CWC27: variants seen among roughly 807,000 people sequenced by gnomAD.
CWC27 encodes the protein spliceosome-associated protein CWC27 homolog.
A neutral mutation model predicts 63.6 loss-of-function variants in CWC27; 47 were observed. The ratio of observed to expected loss-of-function variants is 0.74; its 90% confidence interval spans 0.58 to 0.94. The LOEUF (loss-of-function observed/expected upper bound fraction) is 0.94. Among genes scored for constraint, CWC27 ranks in the 40% least tolerant of loss-of-function variants. CWC27 has a pLI of 0.00. For missense variants in CWC27, 495 were observed against 554.3 expected (o/e 0.89, Z 1.07); for synonymous variants, 175 against 179.8 (o/e 0.97, Z 0.22).
chr5:64,792,704 G>C (rs1206506550), intron 7 of CWC27, among the ~76,000 whole-genome samples: 5 of 151,944 alleles, frequency 3.3e-5, no homozygotes, highest in Admixed American at 1.3e-4. Context: ...ATTGTGTAGA[G>C]TCCTGGGCTG....
chr5:64,857,973 T>C (rs994845801), intron 10 of CWC27, among the ~76,000 whole-genome samples: 4 of 143,448 alleles, frequency 2.8e-5, no homozygotes, highest in Admixed American at 7.0e-5. Flanking sequence ...CCGTCTCTAC[T>C]AAAAATACAA....
In CWC27 at chr5:64,788,947, C is replaced by G; in HGVS notation, c.600-4C>G. ...TTTTTTTTTCTTTCTTTTTTTTGGA[C>G]TAGAAATTTTAGTTTACTTTCATTT... is the stretch of plus-strand genomic sequence containing the variant. On this transcript the variant is annotated splice_polypyrimidine_tract_variant and splice_region_variant and intron_variant, in intron 6 of 13. Transcript: ENST00000381070. 6.5e-7 allele frequency: 1 copy of G among 1,534,994 alleles called. No individual in the cohort carries two copies. Among genetic ancestry groups the G allele is most frequent in the Non-Finnish European group, 8.8e-7 (1 of 1,137,806 alleles).
At chr5:64,958,337 C>G (rs570353569) in intron 11 of CWC27, among the ~76,000 whole-genome samples, 1 of 152,050 alleles carries the variant, frequency 6.6e-6, no homozygotes, top group Non-Finnish European at 1.5e-5. Flanking sequence ...ACTGGCTTCT[C>G]GTAAAACCTG....
intron 13 of CWC27, among the ~76,000 whole-genome samples, chr5:64,986,972 T>G (rs1749446435): frequency 6.6e-6 from 1 of 152,204 alleles, no homozygotes; most frequent in Non-Finnish European, 1.5e-5. Context: ...AATTGATGAC[T>G]TTCAAGCTCT....
At chr5:64,778,965 G>A (rs1743556440) in intron 2 of CWC27, among the ~76,000 whole-genome samples, 3 of 152,108 alleles carry the variant, frequency 2.0e-5, no homozygotes, top group South Asian at 4.1e-4. Context: ...TTTAAAATAT[G>A]CATTGTATAT....
chr5:64,864,631 T>C (rs2112315985), intron 10 of CWC27, among the ~76,000 whole-genome samples: 1 of 152,304 alleles, frequency 6.6e-6, no homozygotes, highest in East Asian at 1.9e-4. Context: ...TGTTATTTGT[T>C]ATAAATTTCC....
intron 10 of CWC27, among the ~76,000 whole-genome samples, chr5:64,847,096 T>G (rs913873071): frequency 6.6e-6 from 1 of 151,522 alleles, no homozygotes; most frequent in African/African-American, 2.4e-5. Context: ...AAAAAGACAG[T>G]TACTGAATGG....
intron 11 of CWC27, among the ~76,000 whole-genome samples, chr5:64,902,921 G>T (rs1222566817): frequency 6.6e-6 from 1 of 152,154 alleles, no homozygotes; most frequent in African/African-American, 2.4e-5. Flanking sequence ...TTTCAATGTA[G>T]AGGTCTTGTA....
intron 10 of CWC27, among the ~76,000 whole-genome samples, chr5:64,815,149 C>T (rs1158800950): frequency 2.6e-5 from 4 of 152,112 alleles, no homozygotes; most frequent in Non-Finnish European, 5.9e-5. Flanking sequence ...TACACATAAA[C>T]GTATATCCTG....
intron 11 of CWC27, among the ~76,000 whole-genome samples, chr5:64,966,999 CT>C (rs972070180): frequency 3.3e-5 from 5 of 151,160 alleles, no homozygotes; most frequent in African/African-American, 7.3e-5. Flanking sequence ...CACATATCTT[CT>C]TTTTTTTTAC....
chr5:64,777,429 A>G (rs1743496275), intron 2 of CWC27, among the ~76,000 whole-genome samples: 1 of 152,146 alleles, frequency 6.6e-6, no homozygotes, highest in African/African-American at 2.4e-5. Flanking sequence ...ACATTTACAT[A>G]GTTAAACACA....
At chr5:64,810,208 T>C (rs192056128) in intron 10 of CWC27, among the ~76,000 whole-genome samples, 1 of 152,298 alleles carries the variant, frequency 6.6e-6, no homozygotes, top group East Asian at 1.9e-4. Context: ...TGACTGTAAA[T>C]ACCTGAGTTT....
chr5:64,978,347 T>G (rs1255289948), intron 13 of CWC27, among the ~76,000 whole-genome samples: 2 of 152,184 alleles, frequency 1.3e-5, no homozygotes, highest in African/African-American at 4.8e-5. Context: ...TCAATTAATT[T>G]ATAGTTTTCA....
At chr5:64,862,153 G>A (rs1233373356) in intron 10 of CWC27, among the ~76,000 whole-genome samples, 6 of 150,808 alleles carry the variant, frequency 4.0e-5, no homozygotes, top group Non-Finnish European at 5.9e-5. Flanking sequence ...GCAAACCCAC[G>A]GAATGTACGG....
intron 10 of CWC27, among the ~76,000 whole-genome samples, chr5:64,876,007 G>T (rs1412575038): frequency 1.3e-5 from 2 of 152,016 alleles, no homozygotes; most frequent in African/African-American, 4.8e-5. Flanking sequence ...GTGAACTGAG[G>T]CTTACATTGG....
At chr5:64,989,921 A>C (rs945122547) in intron 13 of CWC27, among the ~76,000 whole-genome samples, 1 of 152,114 alleles carries the variant, frequency 6.6e-6, no homozygotes, top group Non-Finnish European at 1.5e-5. Flanking sequence ...CTAGTACCTG[A>C]TGCTTAAATC....
chr5:64,877,242 G>A (rs186377908), intron 10 of CWC27, among the ~76,000 whole-genome samples: 1 of 152,126 alleles, frequency 6.6e-6, no homozygotes, highest in East Asian at 1.9e-4. Context: ...ATAAAAGGAT[G>A]AAATCCTATC....
chr5:64,933,411 G>C (rs1158261944), intron 11 of CWC27, among the ~76,000 whole-genome samples: 1 of 151,866 alleles, frequency 6.6e-6, no homozygotes, highest in Non-Finnish European at 1.5e-5. Flanking sequence ...ACCTCGATTT[G>C]CCAGTCATTT....
At chr5:64,841,580 A>G (rs1361988707) in intron 10 of CWC27, among the ~76,000 whole-genome samples, 1 of 152,200 alleles carries the variant, frequency 6.6e-6, no homozygotes, top group East Asian at 1.9e-4. Context: ...TCAGTCACCA[A>G]AACCTATCAG....
Sources: allele counts gnomAD v4.1 joint callset (sites outside exome capture counted in the v4.1 genomes callset), GRCh38; gene constraint gnomAD v4.1.1; transcripts MANE v1.5; gene names NCBI Gene and HGNC (gene_info 2026-07-23, HGNC 2026-07-21).